Variants in MREG observed in about 807,000 individuals in gnomAD.
The protein encoded by MREG is dilute suppressor protein homolog.
Under a neutral mutation model 28.5 loss-of-function variants are expected in MREG, and 31 were observed. The observed-to-expected ratio is 1.09, with a 90% CI of 0.82 to 1.47. The LOEUF (loss-of-function observed/expected upper bound fraction) is 1.47, where lower values mean the gene tolerates loss of function less well. Ranked by LOEUF, MREG falls within the 40% of genes most tolerant of loss-of-function variation. The probability of loss-of-function intolerance (pLI) is 0.00; values close to 1 mark genes in which losing one functional copy is unlikely to be tolerated. For missense variants in MREG, 256 were observed against 257.4 expected (o/e 0.99, Z 0.04); for synonymous variants, 106 against 95.2 (o/e 1.11, Z -0.66).
At chr2:215,982,312 AT>A (rs1693448420) in intron 2 of MREG, among the ~76,000 whole-genome samples, 1 of 147,296 alleles carries the variant, frequency 6.8e-6, no homozygotes, top group Non-Finnish European at 1.5e-5. Context: ...CAGGAGCAAA[AT>A]TCTGTCACAG....
At chr2:216,016,657 A>T (rs1453723293), upstream of MREG, among the ~76,000 whole-genome samples, 1 of 152,244 alleles carries the variant, frequency 6.6e-6, no homozygotes, top group Non-Finnish European at 1.5e-5. Context: ...TAAAGCCCTG[A>T]AGAAATATCA....
chr2:216,021,280 T>C (rs1400911891), intron 1 of MREG, among the ~76,000 whole-genome samples: 1 of 152,168 alleles, frequency 6.6e-6, no homozygotes, highest in Non-Finnish European at 1.5e-5. Context: ...CCCGAGTAGC[T>C]GGGACCACAG....
At chr2:215,941,437 T>C (rs1574582073), downstream of MREG, among the ~76,000 whole-genome samples, 1 of 152,346 alleles carries the variant, frequency 6.6e-6, no homozygotes, top group South Asian at 2.1e-4. Context: ...AGGTGGACTG[T>C]AGTGATACTC....
At position 215,996,402 on chromosome 2, in the gene MREG, C is replaced by G. The variant is rs1197932146; in HGVS notation, c.159G>C (p.Trp53Cys). Residue 53 changes from tryptophan to cysteine, a missense_variant, in exon 2 of 5, where the codon TGG (tryptophan) becomes TGC (cysteine). Transcript: ENST00000263268. ...TGTGGGACACATCATGGGGCATACT[C>G]CATAAATTCTTCTCATCATCCCTCA... The part of the protein sequence containing the change: ...TLVRDDEKNL[W>C]SMPHDVSHTE... The G allele has an allele frequency of 6.2e-7, 1 of 1,613,574 alleles. No individual in the cohort carries two copies. Among genetic ancestry groups the G allele is most frequent in the Non-Finnish European group, 8.5e-7 (1 of 1,179,530 alleles).
rs111548985 is a variant in MREG, at chr2:215,969,807, A to G, written c.256-22694T>C. 9.2e-3 allele frequency among the ~76,000 whole-genome samples: 1,400 copies of G among 151,404 alleles called. 17 individuals are homozygous for G. The highest frequency in any genetic ancestry group is 0.03 in the African/African-American group (1,250 of 41,182). On this transcript the variant is annotated intron_variant, in intron 2 of 4. Coordinates refer to ENST00000263268, the MANE Select transcript of MREG (RefSeq NM_018000.3). ...CTGTCTCCCAATATGGAGGTCATGG[A>G]GGGGTGGGGGGCAGTTAAAGCTAGG...
chr2:215,955,602 C>G (rs80115025), intron 2 of MREG, among the ~76,000 whole-genome samples: 1 of 152,178 alleles, frequency 6.6e-6, no homozygotes, highest in Non-Finnish European at 1.5e-5. Flanking sequence ...TCTTTGAATA[C>G]GATGACTGTT....
chr2:215,994,946 A>G (rs762814135), intron 2 of MREG, among the ~76,000 whole-genome samples: 1 of 152,172 alleles, frequency 6.6e-6, no homozygotes, highest in South Asian at 2.1e-4. Context: ...TGTTTTGGGC[A>G]GAGTCAGGGG....
At chr2:216,018,037 C>T (rs1694472384), upstream of MREG, among the ~76,000 whole-genome samples, 1 of 151,806 alleles carries the variant, frequency 6.6e-6, no homozygotes, top group Non-Finnish European at 1.5e-5. Flanking sequence ...GTGGTGCATG[C>T]CTGTAATCCC....
Position 216,013,333 on chromosome 2 carries a change from G to A in MREG, c.-6C>T. 6.6e-7 allele frequency: 1 copy of A among 1,519,670 alleles called. No homozygotes were observed. The highest frequency in any genetic ancestry group is 8.8e-7 in the Non-Finnish European group (1 of 1,133,676). 94.1% of individuals were successfully genotyped at this position (1,519,670 alleles called of 1,614,324 possible). A position where few individuals can be genotyped will look rare whatever the true frequency, so the allele number is the denominator to read the frequency against. On this transcript the variant is annotated 5_prime_UTR_variant, in exon 1 of 5. Coordinates refer to ENST00000263268, the MANE Select transcript of MREG (RefSeq NM_018000.3). ...AGCCAGTCCCTCAGCCCCATGGAGA[G>A]CGAGGGCCCCCACCGGCGCCGGAAG...
chr2:215,959,154 C>G (rs951118492), intron 2 of MREG, among the ~76,000 whole-genome samples: 2 of 152,138 alleles, frequency 1.3e-5, no homozygotes, highest in East Asian at 3.8e-4. Context: ...TTTCTCACCT[C>G]TATCTCCCTA....
chr2:215,995,494 AC>A (rs1239685285), intron 2 of MREG, among the ~76,000 whole-genome samples: 2 of 139,880 alleles, frequency 1.4e-5, no homozygotes, highest in African/African-American at 6.4e-5. Flanking sequence ...GCTCCACAGC[AC>A]CTCCACCCAC....
At position 215,944,091 on chromosome 2, in the gene MREG, T is replaced by C. The variant is rs1341565581; in HGVS notation, c.*772A>G. On this transcript the variant is annotated 3_prime_UTR_variant, in exon 5 of 5. Coordinates refer to ENST00000263268, the MANE Select transcript of MREG (RefSeq NM_018000.3). Reference sequence around the variant, plus strand: ...ACTGCCCGGGCTCAAGCGATTCTCCTACCTCAGCCTCCTGGGTAGCTGGGA... The same window carrying C: ...ACTGCCCGGGCTCAAGCGATTCTCCCACCTCAGCCTCCTGGGTAGCTGGGA... The C allele has an allele frequency of 7.1e-6, 1 of 139,976 alleles. No homozygotes were observed. Among genetic ancestry groups the C allele is most frequent in the African/African-American group, 2.6e-5 (1 of 37,802 alleles). 8.7% of individuals were successfully genotyped at this position (139,976 alleles called of 1,614,324 possible). A position where few individuals can be genotyped will look rare whatever the true frequency, so the allele number is the denominator to read the frequency against.
intron 2 of MREG, among the ~76,000 whole-genome samples, chr2:215,995,505 C>CT (rs1693845536): frequency 7.6e-6 from 1 of 131,708 alleles, no homozygotes; most frequent in African/African-American, 3.6e-5. Context: ...CCTCCACCCA[C>CT]CCCACCCCCC....
chr2:215,998,107 C>A (rs951104148), intron 1 of MREG, among the ~76,000 whole-genome samples: 1 of 152,034 alleles, frequency 6.6e-6, no homozygotes, highest in South Asian at 2.1e-4. Flanking sequence ...GAGTTCAAGA[C>A]CAGCATGGCC....
chr2:215,954,706 A>T (rs1414347674), intron 2 of MREG, among the ~76,000 whole-genome samples: 1 of 144,906 alleles, frequency 6.9e-6, no homozygotes, highest in Non-Finnish European at 1.5e-5. Context: ...TCACTATTTT[A>T]TTTTTTTTTT....
downstream of MREG, among the ~76,000 whole-genome samples, chr2:215,940,319 TGA>T (rs1692183157): frequency 2.0e-5 from 3 of 152,238 alleles, no homozygotes; most frequent in African/African-American, 7.2e-5. Context: ...TTAGAAGTTA[TGA>T]GAGTATACTC....
intron 1 of MREG, among the ~76,000 whole-genome samples, chr2:216,002,162 C>T (rs73072193): frequency 0.011 from 1,715 of 152,310 alleles, 29 homozygotes; most frequent in African/African-American, 0.038. Flanking sequence ...TCTGATATTA[C>T]ACACTAAGCT....
chr2:216,011,900 TATTAG>T (rs1359404914), intron 1 of MREG, among the ~76,000 whole-genome samples: 1 of 152,140 alleles, frequency 6.6e-6, no homozygotes, highest in Non-Finnish European at 1.5e-5. Context: ...ACCCACTACC[TATTAG>T]ATTAGAGATA....
At chr2:216,028,156 A>G (rs1410089070) in intron 1 of MREG, among the ~76,000 whole-genome samples, 1 of 152,178 alleles carries the variant, frequency 6.6e-6, no homozygotes, top group Non-Finnish European at 1.5e-5. Context: ...AGTGGAAATA[A>G]ATGACATGTA....
Sources: gnomAD v4.1 joint callset for allele counts (sites outside exome capture counted in the v4.1 genomes callset) on GRCh38, gnomAD v4.1.1 for gene constraint, MANE v1.5 for transcripts, NCBI Gene and HGNC (gene_info 2026-07-23, HGNC 2026-07-21) for gene names.